The following SLC24A3 variants were observed in gnomAD, a reference collection of about 807,000 sequenced individuals.
SLC24A3 encodes solute carrier family 24 member 3.
Under a neutral mutation model 75.8 loss-of-function variants are expected in SLC24A3, and 28 were observed. The observed-to-expected ratio is 0.37, with a 90% confidence interval of 0.27 to 0.51. The LOEUF is 0.51. Among genes scored for constraint, SLC24A3 ranks in the 20% least tolerant of loss-of-function variants. SLC24A3 has a pLI of 0.94. For synonymous variants in SLC24A3, 372 were observed against 334.1 expected, an observed-to-expected ratio of 1.11 and a Z score of -1.24; for missense variants, 663 against 847.8, an observed-to-expected ratio of 0.78 and a Z score of 2.71.
chr20:19,663,438 T>A (rs1265546636), intron 7 of SLC24A3, among the ~76,000 whole-genome samples: 1 of 8,834 alleles, frequency 1.1e-4, no homozygotes. Flanking sequence ...CTCCTCCGCC[T>A]TCTCATCCTC....
intron 2 of SLC24A3, among the ~76,000 whole-genome samples, chr20:19,487,158 G>A (rs1007292037): frequency 1.3e-5 from 2 of 152,272 alleles, no homozygotes; most frequent in African/African-American, 2.4e-5. Context: ...CTTCTTTAGC[G>A]TCTCCCATAG....
chr20:19,441,652 G>A (rs1481895003), intron 2 of SLC24A3, among the ~76,000 whole-genome samples: 5 of 152,016 alleles, frequency 3.3e-5, no homozygotes, highest in East Asian at 1.9e-4. Context: ...CATTTATTAC[G>A]ATTGATGAAC....
chr20:19,549,004 C>T (rs2030649315), intron 3 of SLC24A3, among the ~76,000 whole-genome samples: 1 of 152,200 alleles, frequency 6.6e-6, no homozygotes, highest in African/African-American at 2.4e-5. Flanking sequence ...GGTGGAGGCC[C>T]TGCTATTTTC....
chr20:19,510,268 A>T (rs1988517374), intron 2 of SLC24A3, among the ~76,000 whole-genome samples: 1 of 152,184 alleles, frequency 6.6e-6, no homozygotes, highest in Non-Finnish European at 1.5e-5. Flanking sequence ...TTACAACCCT[A>T]AGTCTTAACA....
At chr20:19,317,080 A>G (rs7267556) in intron 2 of SLC24A3, among the ~76,000 whole-genome samples, 13,748 of 152,184 alleles carry the variant, frequency 0.09, 2,002 homozygotes, top group African/African-American at 0.31. Context: ...AGGATTCCCT[A>G]TTTAATAAAT....
chr20:19,568,717 C>T (rs937927378), intron 3 of SLC24A3, among the ~76,000 whole-genome samples: 1 of 152,156 alleles, frequency 6.6e-6, no homozygotes, highest in Non-Finnish European at 1.5e-5. Context: ...CACCACTGAA[C>T]TGTAGATTTT....
At chr20:19,504,332 T>C (rs1457484578) in intron 2 of SLC24A3, among the ~76,000 whole-genome samples, 1 of 152,230 alleles carries the variant, frequency 6.6e-6, no homozygotes, top group Admixed American at 6.5e-5. Context: ...TGGAATTTAA[T>C]GAGTTAACAT....
intron 15 of SLC24A3, among the ~76,000 whole-genome samples, chr20:19,706,106 C>T (rs1209689523): frequency 6.6e-6 from 1 of 152,170 alleles, no homozygotes; most frequent in Non-Finnish European, 1.5e-5. Flanking sequence ...GTCTCTCTCT[C>T]TCCAAGCAAG....
intron 16 of SLC24A3, among the ~76,000 whole-genome samples, chr20:19,720,449 A>G (rs949156196): frequency 1.8e-4 from 28 of 152,222 alleles, no homozygotes; most frequent in African/African-American, 6.8e-4. Context: ...CAGAACCAAG[A>G]GGAACTGTGG....
At chr20:19,318,739 G>A (rs1204318648) in intron 2 of SLC24A3, among the ~76,000 whole-genome samples, 1 of 152,082 alleles carries the variant, frequency 6.6e-6, no homozygotes, top group African/African-American at 2.4e-5. Context: ...ACAGCACAAG[G>A]ACACGTGGGA....
chr20:19,353,197 T>C (rs1445202227), intron 2 of SLC24A3, among the ~76,000 whole-genome samples: 2 of 152,228 alleles, frequency 1.3e-5, no homozygotes, highest in East Asian at 3.8e-4. Flanking sequence ...AGAACACGTC[T>C]TCATCATTAA....
rs2033112191 is a variant in SLC24A3 at position 19,722,285 on chromosome 20, CT to C, written c.*1147del. On this transcript the variant is annotated 3_prime_UTR_variant, in exon 17 of 17. Coordinates refer to ENST00000328041, the MANE Select transcript of SLC24A3 (RefSeq NM_020689.4). ...GTACACTGGACCCTGACCACTGGCTCTTGGGCAAACGTCCTTCCTCACGGGG... is the reference window on the plus strand; with the variant it reads ...GTACACTGGACCCTGACCACTGGCTCTGGGCAAACGTCCTTCCTCACGGGG... 1.3e-5 allele frequency: 2 copies of C among 152,744 alleles called. No individual in the cohort carries two copies. The highest frequency in any genetic ancestry group is 1.3e-4 in the Admixed American group (2 of 15,296). The allele number at this position is 152,744 out of a possible 1,614,324, so 9.5% of individuals were successfully genotyped here.
At chr20:19,288,724 C>A (rs540053754) in intron 2 of SLC24A3, among the ~76,000 whole-genome samples, 10 of 152,284 alleles carry the variant, frequency 6.6e-5, no homozygotes, top group Non-Finnish European at 1.0e-4. Context: ...GTCATAAATG[C>A]AAAAACAAAC....
chr20:19,579,281 A>G (rs2031185094), intron 3 of SLC24A3, among the ~76,000 whole-genome samples: 1 of 152,206 alleles, frequency 6.6e-6, no homozygotes, highest in South Asian at 2.1e-4. Context: ...GGTTGGATAC[A>G]GTGGAGAGGC....
At chr20:19,220,846 G>A (rs1171332886) in intron 1 of SLC24A3, among the ~76,000 whole-genome samples, 1 of 152,184 alleles carries the variant, frequency 6.6e-6, no homozygotes, top group East Asian at 1.9e-4. Flanking sequence ...AAGTAATACA[G>A]TTGGTGCCAG....
chr20:19,683,137 AT>A (rs1343121603), intron 10 of SLC24A3, among the ~76,000 whole-genome samples: 2 of 152,208 alleles, frequency 1.3e-5, no homozygotes, highest in African/African-American at 4.8e-5. Context: ...AAAATTAAAT[AT>A]TTGATATATT....
chr20:19,252,643 C>CGGTGGG (rs1555783960), intron 1 of SLC24A3, among the ~76,000 whole-genome samples: 2 of 133,450 alleles, frequency 1.5e-5, no homozygotes, highest in African/African-American at 2.7e-5. Flanking sequence ...ATTGGAATGG[C>CGGTGGG]GGGGGGGGGT....
chr20:19,698,630 C>T lies in SLC24A3; in HGVS notation c.1669C>T (p.Leu557Phe). Residue 557 changes from leucine to phenylalanine, a missense_variant, in exon 15 of 17, where the codon CTC becomes TTC. Transcript: ENST00000328041. ...CAACGTGTTTGACATCCTGATTGGC[C>T]TCGGTCTCCCCTGGGCTCTGCAGAC... is the stretch of plus-strand genomic sequence containing the variant. ...GSNVFDILIG[L>F]GLPWALQTLA... 6.3e-7 allele frequency: 1 copy of T among 1,595,138 alleles called. No individual in the cohort carries two copies. The highest frequency in any genetic ancestry group is 8.6e-7 in the Non-Finnish European group (1 of 1,169,038).
intron 3 of SLC24A3, among the ~76,000 whole-genome samples, chr20:19,578,131 A>C (rs1396556256): frequency 1.3e-5 from 2 of 152,202 alleles, no homozygotes; most frequent in African/African-American, 4.8e-5. Flanking sequence ...AGGCTTCATG[A>C]AGGACAGTTG....
Sources: gnomAD v4.1 joint callset for allele counts (sites outside exome capture counted in the v4.1 genomes callset) on GRCh38, gnomAD v4.1.1 for gene constraint, MANE v1.5 for transcripts, NCBI Gene and HGNC (gene_info 2026-07-23, HGNC 2026-07-21) for gene names.